The following RYR2 variants were observed in gnomAD, a reference collection of about 807,000 sequenced individuals.
The protein encoded by RYR2 is ryanodine receptor 2.
A neutral mutation model predicts 601.1 loss-of-function variants in RYR2; 227 were observed. The observed-to-expected ratio is 0.38, with a 90% confidence interval of 0.34 to 0.42. The LOEUF is 0.42. Among genes scored for constraint, RYR2 ranks in the 10% least tolerant of loss-of-function variants. The probability of loss-of-function intolerance (pLI) is 1.00; values close to 1 mark genes in which losing one functional copy is unlikely to be tolerated. For synonymous variants in RYR2, 2,223 were observed against 2,175.1 expected, an observed-to-expected ratio of 1.02 and a Z score of -0.61; for missense variants, 4,646 against 6,156.5, an observed-to-expected ratio of 0.75 and a Z score of 8.21.
intron 3 of RYR2, chr1:237,333,664 T>G: frequency 2.2e-6 from 1 of 456,010 alleles, no homozygotes; most frequent in Non-Finnish European, 4.4e-6. Flanking sequence ...TGCTGGCACT[T>G]GTAGGAACCA....
rs187567354 is a variant in RYR2, at chr1:237,457,942, C to T, written c.1612+1207C>T. On this transcript the variant is annotated intron_variant, in intron 16 of 104. Coordinates refer to ENST00000366574, the MANE Select transcript of RYR2 (RefSeq NM_001035.3). ...GAAGATAAAGTTCACCTTGTTGTCC[C>T]GGTATATGAGGCCCCAGTTAACCCT... Among the ~76,000 whole-genome samples the T allele has an allele frequency of 8.5e-4, 130 of 152,182 alleles. 1 individual carries two copies. Among genetic ancestry groups the T allele is most frequent in the African/African-American group, 2.2e-3 (92 of 41,510 alleles).
chr1:237,525,969 A>G (rs1667541872), intron 24 of RYR2, among the ~76,000 whole-genome samples: 1 of 81,874 alleles, frequency 1.2e-5, no homozygotes, highest in South Asian at 4.5e-4. Context: ...GACAAGAGCA[A>G]AACTCCTCAA....
At chr1:237,315,768 G>A (rs1695045273) in intron 2 of RYR2, among the ~76,000 whole-genome samples, 1 of 152,116 alleles carries the variant, frequency 6.6e-6, no homozygotes, top group Non-Finnish European at 1.5e-5. Context: ...GCTGAGGGAT[G>A]GTAGAAATTG....
intron 1 of RYR2, among the ~76,000 whole-genome samples, chr1:237,267,820 T>C (rs903815697): frequency 6.6e-6 from 1 of 152,204 alleles, no homozygotes; most frequent in African/African-American, 2.4e-5. Flanking sequence ...GATTACAGAC[T>C]GAATTATCTG....
chr1:237,699,109 T>A (rs1687741593), intron 64 of RYR2, 84 bp downstream of exon 64: 2 of 662,554 alleles, frequency 3.0e-6, no homozygotes, highest in Non-Finnish European at 5.0e-6. Flanking sequence ...GGACCCAGTG[T>A]CTGGATTTTA....
chr1:237,052,814 T>C (rs1178293023), intron 1 of RYR2, among the ~76,000 whole-genome samples: 1 of 152,048 alleles, frequency 6.6e-6, no homozygotes, highest in African/African-American at 2.4e-5. Context: ...CAGGATCCAA[T>C]CCCTGATGCC....
At position 237,801,764 on chromosome 1, in the gene RYR2, C is replaced by T. The variant is rs902475554; in HGVS notation, c.14091-92C>T. The T allele has an allele frequency of 5.1e-5, 36 of 706,994 alleles. No homozygotes were observed. In the East Asian group the frequency reaches 8.9e-4, roughly 17 times the overall value. The allele number at this position is 706,994 out of a possible 1,614,324, so 43.8% of individuals were successfully genotyped here. On this transcript the variant is annotated intron_variant, in intron 97 of 104. Coordinates refer to ENST00000366574, the MANE Select transcript of RYR2 (RefSeq NM_001035.3). ...TCCCAAGAAGGTGTCCAAGTCTTGT[C>T]CCATTGAATGTGAAGGCCGTCAGGC...
intron 1 of RYR2, among the ~76,000 whole-genome samples, chr1:237,242,075 A>G (rs1020320086): frequency 2.6e-5 from 4 of 152,196 alleles, no homozygotes; most frequent in African/African-American, 4.8e-5. Flanking sequence ...GACTATTTTA[A>G]GGATTTGAAG....
chr1:237,503,897 G>A (rs1664928618), intron 22 of RYR2, among the ~76,000 whole-genome samples: 2 of 152,070 alleles, frequency 1.3e-5, no homozygotes, highest in Admixed American at 6.5e-5. Flanking sequence ...TAGTAGAGAT[G>A]GGGTTTCATC....
rs1247752418 is a variant in RYR2, at chr1:237,445,666, T to TA, written c.1292+146dup. 27 of 961,190 alleles carry TA rather than the reference T, an allele frequency of 2.8e-5. No homozygotes were observed. In the African/African-American group the frequency reaches 3.0e-4, roughly 11 times the overall value. The allele number at this position is 961,190 out of a possible 1,614,324, so 59.5% of individuals were successfully genotyped here. On this transcript the variant is annotated intron_variant, in intron 14 of 104. Transcript: ENST00000366574. ...AGTCAGCAGAAACGTTAGGAAGTGTTAATGAGATGATTTAATGTCTTTCTT... is the reference window on the plus strand; with the variant it reads ...AGTCAGCAGAAACGTTAGGAAGTGTTAAATGAGATGATTTAATGTCTTTCTT...
At chr1:237,369,404 C>T (rs775670917) in intron 5 of RYR2, 130 bp from the exon 6 acceptor site, 183 of 782,330 alleles carry the variant, frequency 2.3e-4, no homozygotes, top group East Asian at 2.1e-4. Flanking sequence ...CTTTGCTTGT[C>T]TGCAAGAGCT....
chr1:237,755,878 C>T (rs1470196148), intron 80 of RYR2, among the ~76,000 whole-genome samples: 2 of 152,120 alleles, frequency 1.3e-5, no homozygotes, highest in Non-Finnish European at 2.9e-5. Flanking sequence ...CTTTGCAACT[C>T]GAGCCATTTG....
At chr1:237,785,038 T>C in intron 90 of RYR2, 66 bp downstream of exon 90, 1 of 1,154,000 alleles carries the variant, frequency 8.7e-7, no homozygotes, top group Middle Eastern at 2.5e-4. Flanking sequence ...AAATGATCAT[T>C]AGACCAGGTT....
intron 10 of RYR2, among the ~76,000 whole-genome samples, chr1:237,395,444 C>T (rs778140421): frequency 7.9e-5 from 12 of 151,238 alleles, no homozygotes; most frequent in Non-Finnish European, 1.2e-4. Flanking sequence ...ATTTTTCAGA[C>T]GATTCCTACA....
chr1:237,280,853 C>T (rs1265489823), intron 2 of RYR2, among the ~76,000 whole-genome samples: 1 of 150,780 alleles, frequency 6.6e-6, no homozygotes, highest in African/African-American at 2.4e-5. Context: ...GGTGCAATCT[C>T]GGCTCACTGC....
At chr1:237,293,577 AG>A in intron 2 of RYR2, among the ~76,000 whole-genome samples, 1 of 152,286 alleles carries the variant, frequency 6.6e-6, no homozygotes, top group African/African-American at 2.4e-5. Flanking sequence ...GATTTAAATC[AG>A]GGGTTCCCAT....
chr1:237,087,084 G>A (rs1021771398), intron 1 of RYR2, among the ~76,000 whole-genome samples: 7 of 152,164 alleles, frequency 4.6e-5, no homozygotes, highest in South Asian at 2.1e-4. Flanking sequence ...GTGAAAGGCA[G>A]GAGGACCCCT....
At chr1:237,592,498 A>T (rs1824857) in intron 32 of RYR2, among the ~76,000 whole-genome samples, 60,208 of 151,452 alleles carry the variant, frequency 0.4, 13,413 homozygotes, top group Admixed American at 0.5. Flanking sequence ...TGGAGTGTGG[A>T]GGTGGGCACC....
rs370796450 is a variant in RYR2 at position 237,676,211 on chromosome 1, C to T, written c.8830+1365C>T. Among the ~76,000 whole-genome samples, 8 of 152,078 alleles carry T rather than the reference C, an allele frequency of 5.3e-5. No homozygotes were observed. In the East Asian group the frequency reaches 1.5e-3, roughly 29 times the overall value. ...GGACAGGAGAGAAAGAAAGAGTCAT[C>T]ATTTGGAGAAAGGAACAAGAAAGTC... On this transcript the variant is annotated intron_variant, in intron 60 of 104. Transcript: ENST00000366574.
Sources: allele counts gnomAD v4.1 joint callset (sites outside exome capture counted in the v4.1 genomes callset), GRCh38; gene constraint gnomAD v4.1.1; transcripts MANE v1.5; gene names NCBI Gene and HGNC (gene_info 2026-07-23, HGNC 2026-07-21).